TP73: variants seen among roughly 807,000 people sequenced by gnomAD.
The protein encoded by TP73 is p53-like transcription factor.
In TP73, 25 loss-of-function variants were observed where a neutral mutation model predicts 62.5. That is an observed-to-expected ratio of 0.40 (90% CI 0.29 to 0.56). TP73 has a LOEUF of 0.56. Among genes scored for constraint, TP73 ranks in the 20% least tolerant of loss-of-function variants. TP73 has a pLI of 0.46. For missense variants in TP73, 754 were observed against 913.3 expected, an observed-to-expected ratio of 0.83 and a Z score of 2.25; for synonymous variants, 423 against 377.5, an observed-to-expected ratio of 1.12 and a Z score of -1.40.
At chr1:3,732,530 C>G in intron 13 of TP73, among the ~76,000 whole-genome samples, 1 of 150,262 alleles carries the variant, frequency 6.7e-6, no homozygotes, top group Non-Finnish European at 1.5e-5. Context: ...GGTAGATGCT[C>G]AGGGGGCTCC....
intron 3 of TP73, among the ~76,000 whole-genome samples, chr1:3,690,003 T>C (rs953163670): frequency 6.6e-6 from 1 of 152,298 alleles, no homozygotes; most frequent in Admixed American, 6.5e-5. Context: ...GGGGCACCAC[T>C]GCAGAGCCCC....
chr1:3,677,689 C>CTTTTTTT (rs1215137164), intron 1 of TP73, among the ~76,000 whole-genome samples: 2 of 137,224 alleles, frequency 1.5e-5, no homozygotes. Flanking sequence ...TCCTTCCTTC[C>CTTTTTTT]CTTTTTTTTT....
At chr1:3,721,848 C>T (rs1641096502) in intron 4 of TP73, among the ~76,000 whole-genome samples, 173 bp from the exon 5 acceptor site, 1 of 152,230 alleles carries the variant, frequency 6.6e-6, no homozygotes, top group Non-Finnish European at 1.5e-5. Context: ...GGATTCACGC[C>T]TCAAAGGACA....
intron 6 of TP73, among the ~76,000 whole-genome samples, chr1:3,725,695 G>T (rs1339335705): frequency 7.0e-6 from 1 of 143,160 alleles, no homozygotes; most frequent in Non-Finnish European, 1.5e-5. Context: ...TTGTTGAATG[G>T]ATGAGTGGGT....
chr1:3,729,536 C>G (rs2124534373), intron 10 of TP73, 88 bp downstream of exon 10: 3 of 1,596,212 alleles, frequency 1.9e-6, no homozygotes, highest in Non-Finnish European at 2.6e-6. Context: ...AGAAACCCCT[C>G]CAGAAGGCAT....
intron 4 of TP73, among the ~76,000 whole-genome samples, chr1:3,719,908 G>GTGTGTGTGTGTT (rs1419229002): frequency 1.3e-5 from 2 of 149,966 alleles, no homozygotes; most frequent in African/African-American, 5.0e-5. Flanking sequence ...GTGTGTGTGT[G>GTGTGTGTGTGTT]TGTGTGTGTG....
chr1:3,727,141 G>A lies in TP73; in HGVS notation c.759G>A (p.Leu253=), dbSNP rs979952959. 3.7e-6 allele frequency: 6 copies of A among 1,612,008 alleles called. No individual in the cohort carries two copies. The highest frequency in any genetic ancestry group is 3.4e-6 in the Non-Finnish European group (4 of 1,179,546). Residue 253 remains leucine, a synonymous_variant, in exon 7 of 14, where the codon CTG becomes CTA. Transcript: ENST00000378295. ...PQVGTEFTTI[L]YNFMCNSSCV... ...TGGGGACGGAATTCACCACCATCCT[G>A]TACAACTTCATGTGTAACAGCAGCT...
rs536193150 is a variant in TP73, at chr1:3,672,802, C to T, written c.-33-9531C>T. 6.6e-6 allele frequency among the ~76,000 whole-genome samples: 1 copy of T among 152,274 alleles called. No homozygotes were observed. Among genetic ancestry groups the T allele is most frequent in the South Asian group, 2.1e-4 (1 of 4,830 alleles). ...CCCACTTCCCTCCTGCCGCCAACCT[C>T]GTCCCCCCAAGGGCCATGTCCCTGC... On this transcript the variant is annotated intron_variant, in intron 1 of 13. Transcript: ENST00000378295. This position sits in a 1 kb window ranked among gnomAD's most constrained non-coding sequence, Gnocchi z 5.3.
At chr1:3,697,893 C>T (rs1201336160) in intron 3 of TP73, among the ~76,000 whole-genome samples, 1 of 152,212 alleles carries the variant, frequency 6.6e-6, no homozygotes, top group African/African-American at 2.4e-5. Context: ...GGACCGCCTT[C>T]TCCACCTTTG....
intron 7 of TP73, 106 bp downstream of exon 7, chr1:3,727,330 A>T: frequency 8.4e-7 from 1 of 1,193,126 alleles, no homozygotes; most frequent in South Asian, 1.5e-5. Flanking sequence ...TAGCTTGGGG[A>T]AGAGACTTTG....
At chr1:3,731,401 G>A in intron 12 of TP73, 62 bp from the exon 13 acceptor site, 1 of 1,528,556 alleles carries the variant, frequency 6.5e-7, no homozygotes, top group East Asian at 2.3e-5. Flanking sequence ...TCAGAGATGG[G>A]GGCTCGCGCA....
intron 1 of TP73, among the ~76,000 whole-genome samples, chr1:3,679,398 C>T (rs1645455152): frequency 2.6e-5 from 4 of 152,180 alleles, no homozygotes; most frequent in Admixed American, 2.0e-4. Context: ...CCGTCGGCTC[C>T]CACGCTGTCT....
At position 3,723,333 on chromosome 1, in the gene TP73, A is replaced by T; in HGVS notation, c.617-21A>T. On this transcript the variant is annotated intron_variant, in intron 5 of 13. Transcript: ENST00000378295. ...TGGGCACCTCTATGCACCTCTCTGA[A>T]GTGTCGACCCCTCCCGGCAGGACAG... is the stretch of plus-strand genomic sequence containing the variant. The T allele has an allele frequency of 1.9e-6, 3 of 1,603,572 alleles. No homozygotes were observed. The South Asian group carries it at 3.3e-5, about 18-fold the overall frequency.
At chr1:3,693,767 C>G (rs71503063) in intron 3 of TP73, among the ~76,000 whole-genome samples, 11,713 of 44,330 alleles carry the variant, frequency 0.26, 357 homozygotes, top group Non-Finnish European at 0.35. Context: ...CACAATCCCA[C>G]CCATGCAGCC....
At chr1:3,700,319 T>C (rs1047822973) in intron 3 of TP73, among the ~76,000 whole-genome samples, 4 of 152,116 alleles carry the variant, frequency 2.6e-5, no homozygotes, top group Non-Finnish European at 4.4e-5. Flanking sequence ...ATACGTTCCG[T>C]TCTGGACAGT....
intron 5 of TP73, 134 bp from the exon 6 acceptor site, chr1:3,723,220 G>A: frequency 1.4e-6 from 1 of 690,182 alleles, no homozygotes; most frequent in Non-Finnish European, 2.6e-6. Flanking sequence ...CTGGCACGGG[G>A]CTGGGTACCT....
rs943347406 is a variant in TP73 at position 3,663,050 on chromosome 1, T to C, written c.-34+10409T>C. ...TACAGATGAGGGCTTTGCTGATCAT[T>C]ATCTGGAAACAGTGATCACTGTCCC... On this transcript the variant is annotated intron_variant, in intron 1 of 13. Transcript: ENST00000378295. This position sits in a 1 kb window ranked among gnomAD's most constrained non-coding sequence, Gnocchi z 4.7. Among the ~76,000 whole-genome samples, 1 of 152,218 alleles carries C rather than the reference T, an allele frequency of 6.6e-6. No homozygotes were observed. The highest frequency in any genetic ancestry group is 2.4e-5 in the African/African-American group (1 of 41,454).
intron 3 of TP73, among the ~76,000 whole-genome samples, chr1:3,695,484 C>T (rs919180803): frequency 2.0e-5 from 3 of 152,222 alleles, no homozygotes; most frequent in Admixed American, 6.5e-5. Flanking sequence ...CCTGCCCCTC[C>T]GCATGGTGGG....
intron 8 of TP73, among the ~76,000 whole-genome samples, 174 bp downstream of exon 8, chr1:3,727,944 G>A (rs543459141): frequency 1.8e-4 from 27 of 152,244 alleles, no homozygotes; most frequent in African/African-American, 6.3e-4. Flanking sequence ...GCTTGTCCTG[G>A]GCCAAGGGCA....
Sources: allele counts gnomAD v4.1 joint callset (sites outside exome capture counted in the v4.1 genomes callset), GRCh38; gene constraint gnomAD v4.1.1; non-coding constraint Gnocchi (gnomAD v3.1); transcripts MANE v1.5; gene names NCBI Gene and HGNC (gene_info 2026-07-23, HGNC 2026-07-21).